NRG2: variants seen among roughly 807,000 people sequenced by gnomAD.
NRG2 encodes neuregulin 2, also known as pro-neuregulin-2, membrane-bound isoform.
Under a neutral mutation model 73.9 loss-of-function variants are expected in NRG2, and 27 were observed. The ratio of observed to expected loss-of-function variants is 0.37; its 90% confidence interval spans 0.27 to 0.50. NRG2 has a LOEUF of 0.50. Ranked by LOEUF, NRG2 falls within the 20% of genes least tolerant of loss-of-function variation. NRG2 has a pLI of 0.96. For synonymous variants in NRG2, 532 were observed against 541.0 expected, an observed-to-expected ratio of 0.98 and a Z score of 0.23; for missense variants, 1,126 against 1,210.1, an observed-to-expected ratio of 0.93 and a Z score of 1.03.
intron 1 of NRG2, among the ~76,000 whole-genome samples, chr5:140,005,904 C>T (rs1428577177): frequency 2.0e-5 from 3 of 152,220 alleles, no homozygotes; most frequent in African/African-American, 7.2e-5. Context: ...TTCTAGCTAA[C>T]TCCACCTCAC....
At chr5:139,923,032 C>T (rs1273254654) in intron 1 of NRG2, among the ~76,000 whole-genome samples, 1 of 152,124 alleles carries the variant, frequency 6.6e-6, no homozygotes, top group African/African-American at 2.4e-5. Context: ...GAATACATGT[C>T]CTTATACACT....
intron 1 of NRG2, among the ~76,000 whole-genome samples, chr5:139,983,003 G>C (rs1470884190): frequency 6.6e-6 from 1 of 152,156 alleles, no homozygotes; most frequent in East Asian, 1.9e-4. Flanking sequence ...CTGATGTCTG[G>C]GGGATTAACC....
intron 1 of NRG2, among the ~76,000 whole-genome samples, chr5:140,035,202 T>C (rs1376303202): frequency 6.6e-6 from 1 of 152,200 alleles, no homozygotes; most frequent in African/African-American, 2.4e-5. Context: ...CATGAAATAA[T>C]CAATTGATTC....
At chr5:139,888,247 C>T (rs751390525) in intron 1 of NRG2, among the ~76,000 whole-genome samples, 11 of 152,164 alleles carry the variant, frequency 7.2e-5, no homozygotes, top group Non-Finnish European at 1.2e-4. Flanking sequence ...ATACACAAAG[C>T]CTTCATGCAG....
At chr5:140,030,302 T>C (rs1196152771) in intron 1 of NRG2, among the ~76,000 whole-genome samples, 2 of 152,220 alleles carry the variant, frequency 1.3e-5, no homozygotes, top group Non-Finnish European at 2.9e-5. Flanking sequence ...TGTTTTCTTT[T>C]AGACAGAGCT....
At chr5:139,965,394 C>A (rs1755421652) in intron 1 of NRG2, among the ~76,000 whole-genome samples, 1 of 152,236 alleles carries the variant, frequency 6.6e-6, no homozygotes, top group African/African-American at 2.4e-5. Flanking sequence ...CAAACCAGCA[C>A]AATTGCCAAC....
At chr5:139,918,833 T>C (rs984830789) in intron 1 of NRG2, among the ~76,000 whole-genome samples, 7 of 151,898 alleles carry the variant, frequency 4.6e-5, no homozygotes, top group African/African-American at 1.7e-4. Flanking sequence ...AGAGAGAAAG[T>C]GTAGACAGAG....
chr5:139,919,291 T>C (rs1751492609), intron 1 of NRG2, among the ~76,000 whole-genome samples: 1 of 152,068 alleles, frequency 6.6e-6, no homozygotes, highest in Non-Finnish European at 1.5e-5. Flanking sequence ...CTGGTCCTTA[T>C]GTTTAGCTTG....
At chr5:139,883,423 T>TG (rs3836890) in intron 2 of NRG2, among the ~76,000 whole-genome samples, 24,869 of 151,192 alleles carry the variant, frequency 0.16, 2,147 homozygotes, top group Middle Eastern at 0.26. Context: ...GCCCAGGATT[T>TG]GGGGGGGCAG....
chr5:139,969,131 G>A (rs951512325), intron 1 of NRG2, among the ~76,000 whole-genome samples: 4 of 152,248 alleles, frequency 2.6e-5, no homozygotes, highest in African/African-American at 7.2e-5. Flanking sequence ...GACCCAAGAA[G>A]CAGACTCTGG....
At chr5:139,918,144 T>G (rs1220950670) in intron 1 of NRG2, among the ~76,000 whole-genome samples, 1 of 152,236 alleles carries the variant, frequency 6.6e-6, no homozygotes, top group Non-Finnish European at 1.5e-5. Context: ...ACAATTGCAT[T>G]TTTTAAAAAA....
At chr5:139,879,210 T>C (rs1763374324) in intron 3 of NRG2, among the ~76,000 whole-genome samples, 1 of 152,190 alleles carries the variant, frequency 6.6e-6, no homozygotes, top group Admixed American at 6.5e-5. Context: ...ATCCTCCCTG[T>C]TCTCCCCTCT....
At chr5:139,952,460 C>T (rs945562336) in intron 1 of NRG2, among the ~76,000 whole-genome samples, 1 of 152,122 alleles carries the variant, frequency 6.6e-6, no homozygotes, top group Non-Finnish European at 1.5e-5. Context: ...GTGGCTTAGA[C>T]CCCCAGAGCA....
At chr5:139,934,554 A>G (rs1752706967) in intron 1 of NRG2, among the ~76,000 whole-genome samples, 1 of 152,234 alleles carries the variant, frequency 6.6e-6, no homozygotes, top group Admixed American at 6.5e-5. Context: ...ATCACGAAAA[A>G]GAAAAAAACA....
chr5:139,958,327 A>G (rs1754792662), intron 1 of NRG2, among the ~76,000 whole-genome samples: 1 of 152,122 alleles, frequency 6.6e-6, no homozygotes, highest in Non-Finnish European at 1.5e-5. Flanking sequence ...GGGCCAGCAA[A>G]CAGGAAAAAA....
chr5:140,001,665 C>T (rs1179159635), intron 1 of NRG2, among the ~76,000 whole-genome samples: 1 of 150,128 alleles, frequency 6.7e-6, no homozygotes, highest in Admixed American at 6.7e-5. Flanking sequence ...AGTTCAAGAC[C>T]AGCCTGGGAA....
chr5:139,917,671 T>A (rs1168123503), intron 1 of NRG2, among the ~76,000 whole-genome samples: 1 of 152,210 alleles, frequency 6.6e-6, no homozygotes, highest in Non-Finnish European at 1.5e-5. Flanking sequence ...CTTGACTCAT[T>A]TTTTCCCCAG....
At position 139,904,439 on chromosome 5, in the gene NRG2, G is replaced by T. The variant is rs565936260; in HGVS notation, c.701-16928C>A. On this transcript the variant is annotated intron_variant, in intron 1 of 9. Coordinates refer to ENST00000361474, the MANE Select transcript of NRG2 (RefSeq NM_004883.3). This position sits in a 1 kb window ranked among gnomAD's most constrained non-coding sequence, Gnocchi z 6.0. Reference sequence around the variant, plus strand: ...GGCGGTGGGACGGCCTCAGCTCTCCGCTGCCGCGCTGCGCCCCCGCCGCCT... The same window carrying T: ...GGCGGTGGGACGGCCTCAGCTCTCCTCTGCCGCGCTGCGCCCCCGCCGCCT... 179 of 1,203,032 alleles carry T rather than the reference G, an allele frequency of 1.5e-4. No individual in the cohort carries two copies. Among genetic ancestry groups the T allele is most frequent in the Middle Eastern group, 2.7e-4 (1 of 3,664 alleles). 74.5% of individuals were successfully genotyped at this position (1,203,032 alleles called of 1,614,324 possible). A position where few individuals can be genotyped will look rare whatever the true frequency, so the allele number is the denominator to read the frequency against.
chr5:139,960,915 C>T (rs900920630), intron 1 of NRG2, among the ~76,000 whole-genome samples: 10 of 152,212 alleles, frequency 6.6e-5, no homozygotes, highest in Non-Finnish European at 1.3e-4. Flanking sequence ...GGAGACCTGC[C>T]CATTCCCAGC....
Sources: allele counts gnomAD v4.1 joint callset (sites outside exome capture counted in the v4.1 genomes callset), GRCh38; gene constraint gnomAD v4.1.1; non-coding constraint Gnocchi (gnomAD v3.1); transcripts MANE v1.5; gene names NCBI Gene and HGNC (gene_info 2026-07-23, HGNC 2026-07-21).